DDHD1: variants seen among roughly 807,000 people sequenced by gnomAD.
DDHD1 encodes the protein phospholipase DDHD1.
DDHD1 carries 49 observed loss-of-function variants against 96.4 expected under a neutral mutation model. The ratio of observed to expected loss-of-function variants is 0.51; its 90% CI spans 0.40 to 0.64. The LOEUF is 0.64. Ranked by LOEUF, DDHD1 falls within the 30% of genes least tolerant of loss-of-function variation. DDHD1 has a pLI of 0.00. For missense variants in DDHD1, 1,106 were observed against 1,161.2 expected, an observed-to-expected ratio of 0.95 and a Z score of 0.69; for synonymous variants, 442 against 446.5, an observed-to-expected ratio of 0.99 and a Z score of 0.13.
intron 1 of DDHD1, among the ~76,000 whole-genome samples, chr14:53,107,916 G>A (rs1016660118): frequency 6.6e-6 from 1 of 152,118 alleles, no homozygotes; most frequent in African/African-American, 2.4e-5. Context: ...AAAAACAGGA[G>A]GTAAAGAAAT....
intron 7 of DDHD1, among the ~76,000 whole-genome samples, chr14:53,061,977 G>T (rs1242005469): frequency 6.8e-6 from 1 of 146,078 alleles, no homozygotes; most frequent in Non-Finnish European, 1.5e-5. Context: ...AGAGGTTGTA[G>T]TGAGCTGAGA....
intron 1 of DDHD1, among the ~76,000 whole-genome samples, chr14:53,151,999 G>A (rs1044499847): frequency 2.0e-5 from 3 of 152,212 alleles, no homozygotes; most frequent in African/African-American, 7.2e-5. Flanking sequence ...ACTTCCAGGG[G>A]ATGGCAGCAG....
Position 53,051,054 on chromosome 14 carries a change from G to GT in DDHD1, c.2521+789dup, listed in dbSNP as rs760678139. 3.5e-3 allele frequency among the ~76,000 whole-genome samples: 479 copies of GT among 137,246 alleles called. 2 individuals carry two copies. The highest frequency in any genetic ancestry group is 5.7e-3 in the East Asian group (27 of 4,758). 90.0% of individuals were successfully genotyped at this position (137,246 alleles called of 152,430 possible). ...CAACGCAAACTGAAGTAATGTAAGA[G>GT]TTTTTTTTTTTTTTTACTTGAAAAA... is the stretch of plus-strand genomic sequence containing the variant. On this transcript the variant is annotated intron_variant, in intron 12 of 12. Transcript: ENST00000673822.
intron 12 of DDHD1, among the ~76,000 whole-genome samples, chr14:53,048,353 T>G (rs565663671): frequency 6.6e-6 from 1 of 151,394 alleles, no homozygotes; most frequent in East Asian, 1.9e-4. Flanking sequence ...TTTTTTTTTT[T>G]TTGAGATGGA....
chr14:53,126,713 G>C (rs1411926966), intron 1 of DDHD1, among the ~76,000 whole-genome samples: 1 of 152,036 alleles, frequency 6.6e-6, no homozygotes, highest in African/African-American at 2.4e-5. Context: ...CAATTTCTCT[G>C]GAAAGCTTTT....
intron 6 of DDHD1, among the ~76,000 whole-genome samples, chr14:53,065,332 T>G (rs1474334936): frequency 6.6e-6 from 1 of 152,196 alleles, no homozygotes; most frequent in Non-Finnish European, 1.5e-5. Context: ...GTTCTAGTCA[T>G]CTATATCAAT....
chr14:53,040,655 A>AG lies in DDHD1; in HGVS notation c.*6112_*6113insC. On this transcript the variant is annotated 3_prime_UTR_variant, in exon 13 of 13. Transcript: ENST00000673822. Reference sequence around the variant, plus strand: ...TAAAAGTTTAAAGTTTCTGTCATCCAAACTGATCACTGCAGAGAGAAAACA... The same window carrying AG: ...TAAAAGTTTAAAGTTTCTGTCATCCAGAACTGATCACTGCAGAGAGAAAACA... The AG allele has an allele frequency of 6.6e-6, 1 of 152,252 alleles. No homozygotes were observed. The highest frequency in any genetic ancestry group is 2.1e-4 in the South Asian group (1 of 4,836). 9.4% of individuals were successfully genotyped at this position (152,252 alleles called of 1,614,324 possible). A position where few individuals can be genotyped will look rare whatever the true frequency, so the allele number is the denominator to read the frequency against.
At chr14:53,126,822 G>A (rs1889477684) in intron 1 of DDHD1, among the ~76,000 whole-genome samples, 1 of 151,978 alleles carries the variant, frequency 6.6e-6, no homozygotes. Flanking sequence ...AAAATGTATT[G>A]AAAGAAAACA....
chr14:53,067,004 C>T (rs1884079885), intron 6 of DDHD1, among the ~76,000 whole-genome samples: 1 of 151,494 alleles, frequency 6.6e-6, no homozygotes, highest in African/African-American at 2.4e-5. Context: ...TAGGAAGCAC[C>T]CCTTTTGTTC....
intron 1 of DDHD1, among the ~76,000 whole-genome samples, chr14:53,136,206 T>A (rs1890233290): frequency 2.0e-5 from 3 of 152,070 alleles, no homozygotes; most frequent in African/African-American, 7.2e-5. Context: ...CTAATGATAA[T>A]CCACCACCCT....
At chr14:53,049,173 T>C (rs540758273) in intron 12 of DDHD1, 3 of 152,226 alleles carry the variant, frequency 2.0e-5, no homozygotes, top group Non-Finnish European at 4.4e-5. Context: ...TCCTATATTA[T>C]GTGCCCTTAT....
intron 1 of DDHD1, among the ~76,000 whole-genome samples, chr14:53,121,637 A>G (rs901702748): frequency 6.6e-6 from 1 of 152,154 alleles, no homozygotes; most frequent in Non-Finnish European, 1.5e-5. Context: ...TGCATGGATG[A>G]AGCTGGAAGC....
intron 1 of DDHD1, among the ~76,000 whole-genome samples, chr14:53,146,157 G>A (rs1890963928): frequency 6.6e-6 from 1 of 151,900 alleles, no homozygotes. Context: ...AGTGAGCTGA[G>A]ATCACGCCAT....
chr14:53,132,540 C>G (rs1262810881), intron 1 of DDHD1, among the ~76,000 whole-genome samples: 3 of 152,206 alleles, frequency 2.0e-5, no homozygotes, highest in Non-Finnish European at 2.9e-5. Context: ...TACCTCTCAG[C>G]AAGCCGAACT....
chr14:53,052,039 T>C (rs148616027), intron 11 of DDHD1, 112 bp from the exon 12 acceptor site: 2 of 738,966 alleles, frequency 2.7e-6, no homozygotes, highest in Non-Finnish European at 4.6e-6. Context: ...ACTGACTAAA[T>C]CTAGCATACA....
At chr14:53,151,462 T>A (rs1891360771) in intron 1 of DDHD1, among the ~76,000 whole-genome samples, 1 of 152,252 alleles carries the variant, frequency 6.6e-6, no homozygotes, top group Non-Finnish European at 1.5e-5. Context: ...TCTGTGTTGT[T>A]GTCTAATAAA....
intron 1 of DDHD1, among the ~76,000 whole-genome samples, chr14:53,128,983 C>A (rs1205616959): frequency 6.6e-6 from 1 of 152,146 alleles, no homozygotes; most frequent in East Asian, 1.9e-4. Flanking sequence ...ATTCTCCCTG[C>A]CCTTGAGAAT....
intron 4 of DDHD1, among the ~76,000 whole-genome samples, chr14:53,081,655 CAAT>C (rs1306890022): frequency 6.6e-6 from 1 of 152,156 alleles, no homozygotes; most frequent in Admixed American, 6.5e-5. Context: ...TCAAAAATGT[CAAT>C]AGTGATGTAG....
At chr14:53,118,850 C>T (rs1415027811) in intron 1 of DDHD1, among the ~76,000 whole-genome samples, 1 of 152,084 alleles carries the variant, frequency 6.6e-6, no homozygotes, top group Non-Finnish European at 1.5e-5. Flanking sequence ...AACCCCAAGA[C>T]ACATTAATTG....
Sources: allele counts gnomAD v4.1 joint callset (sites outside exome capture counted in the v4.1 genomes callset), GRCh38; gene constraint gnomAD v4.1.1; transcripts MANE v1.5; gene names NCBI Gene and HGNC (gene_info 2026-07-23, HGNC 2026-07-21).